Variants in STK32B observed in about 807,000 individuals in gnomAD.
STK32B encodes serine/threonine kinase 32B.
Under a neutral mutation model 52.6 loss-of-function variants are expected in STK32B, and 43 were observed. The ratio of observed to expected loss-of-function variants is 0.82; its 90% confidence interval spans 0.64 to 1.05. The LOEUF is 1.05. Among genes scored for constraint, STK32B ranks in the 50% least tolerant of loss-of-function variants. The pLI is 0.00. For missense variants in STK32B, 621 were observed against 534.6 expected, an observed-to-expected ratio of 1.16 and a Z score of -1.59; for synonymous variants, 238 against 204.3, an observed-to-expected ratio of 1.17 and a Z score of -1.41.
intron 4 of STK32B, among the ~76,000 whole-genome samples, chr4:5,345,682 C>T (rs1733404242): frequency 6.6e-6 from 1 of 152,160 alleles, no homozygotes; most frequent in African/African-American, 2.4e-5. Context: ...CAGGAAGTGG[C>T]CACCCCAAGT....
At chr4:5,433,293 G>A (rs1197560285) in intron 6 of STK32B, among the ~76,000 whole-genome samples, 2 of 152,172 alleles carry the variant, frequency 1.3e-5, no homozygotes, top group Non-Finnish European at 2.9e-5. Flanking sequence ...GTTTCTGACT[G>A]TGCTGCTGAA....
the STK32B span, among the ~76,000 whole-genome samples, chr4:5,044,572 A>C: frequency 6.6e-6 from 1 of 152,132 alleles, no homozygotes; most frequent in South Asian, 2.1e-4. Flanking sequence ...CCTTCAACCA[A>C]CCACCAGGAA....
intron 3 of STK32B, among the ~76,000 whole-genome samples, chr4:5,177,838 G>C (rs1720042277): frequency 6.6e-6 from 1 of 152,238 alleles, no homozygotes; most frequent in Non-Finnish European, 1.5e-5. Flanking sequence ...TCCAGGTCAT[G>C]ATGATGCAAG....
chr4:5,406,015 AC>A (rs1377668665), intron 5 of STK32B, among the ~76,000 whole-genome samples: 1 of 152,150 alleles, frequency 6.6e-6, no homozygotes, highest in African/African-American at 2.4e-5. Flanking sequence ...AGTAACTTCC[AC>A]CTATGAGTCT....
intron 1 of STK32B, among the ~76,000 whole-genome samples, chr4:5,054,047 C>T (rs9799796): frequency 0.29 from 43,736 of 151,686 alleles, 6,767 homozygotes; most frequent in East Asian, 0.48. Context: ...TTTGCCATTG[C>T]CCAGCCCAGT....
intron 9 of STK32B, among the ~76,000 whole-genome samples, chr4:5,462,285 T>A (rs561908691): frequency 6.6e-6 from 1 of 151,974 alleles, no homozygotes; most frequent in Admixed American, 6.6e-5. Flanking sequence ...TGTGTGTATG[T>A]GTCTGTGTGT....
At chr4:5,265,945 A>G (rs1270283571) in intron 3 of STK32B, among the ~76,000 whole-genome samples, 2 of 152,198 alleles carry the variant, frequency 1.3e-5, no homozygotes, top group African/African-American at 4.8e-5. Context: ...GGTAAGTTTA[A>G]TATTTGGTGA....
At chr4:5,155,288 A>G (rs909640213) in intron 2 of STK32B, among the ~76,000 whole-genome samples, 5 of 152,118 alleles carry the variant, frequency 3.3e-5, no homozygotes, top group African/African-American at 9.7e-5. Flanking sequence ...TATAGCACCT[A>G]TAAACTACCT....
intron 3 of STK32B, among the ~76,000 whole-genome samples, chr4:5,209,418 G>T (rs1374620): frequency 1.3e-5 from 2 of 151,820 alleles, no homozygotes; most frequent in Admixed American, 1.3e-4. Context: ...GAGATGGGGT[G>T]TTGCTATGTT....
chr4:5,371,939 C>T lies in STK32B; in HGVS notation c.435-26268C>T, dbSNP rs962408794. ...ATACCCCATGGGGCTGAAAGCACCT[C>T]CATGCAGAACACACACAGGTGACTG... On this transcript the variant is annotated intron_variant, in intron 4 of 11. Coordinates refer to ENST00000282908, the MANE Select transcript of STK32B (RefSeq NM_018401.3). Among the ~76,000 whole-genome samples, 6 of 152,332 alleles carry T rather than the reference C, an allele frequency of 3.9e-5. No individual in the cohort carries two copies. In the East Asian group the frequency reaches 1.2e-3, roughly 29 times the overall value.
At chr4:5,388,641 T>G (rs576056373) in intron 4 of STK32B, among the ~76,000 whole-genome samples, 1 of 152,326 alleles carries the variant, frequency 6.6e-6, no homozygotes, top group South Asian at 2.1e-4. Flanking sequence ...GGATCTATCA[T>G]TTCAATTTAG....
At chr4:5,079,194 A>T (rs1712260991) in intron 1 of STK32B, among the ~76,000 whole-genome samples, 1 of 152,180 alleles carries the variant, frequency 6.6e-6, no homozygotes, top group Non-Finnish European at 1.5e-5. Flanking sequence ...TGGGCCATAC[A>T]GTAATTTATT....
intron 1 of STK32B, among the ~76,000 whole-genome samples, chr4:5,130,546 A>G (rs894937279): frequency 3.3e-5 from 5 of 152,162 alleles, no homozygotes; most frequent in African/African-American, 1.2e-4. Flanking sequence ...TGGAACCAAT[A>G]GGTTCACACC....
intron 1 of STK32B, among the ~76,000 whole-genome samples, chr4:5,073,974 C>T (rs779318866): frequency 2.6e-5 from 4 of 151,736 alleles, no homozygotes; most frequent in Non-Finnish European, 5.9e-5. Flanking sequence ...GTTTGCAGAG[C>T]CTTTTGGATT....
At chr4:5,067,615 A>G (rs1397500387) in intron 1 of STK32B, among the ~76,000 whole-genome samples, 1 of 152,194 alleles carries the variant, frequency 6.6e-6, no homozygotes, top group African/African-American at 2.4e-5. Context: ...AAACATTTTT[A>G]TACATAATAT....
intron 11 of STK32B, among the ~76,000 whole-genome samples, chr4:5,497,515 T>C (rs965488289): frequency 5.3e-5 from 8 of 152,216 alleles, no homozygotes; most frequent in African/African-American, 1.9e-4. Flanking sequence ...CCAGTTGCCC[T>C]ACCTGGAGAG....
At chr4:5,342,766 G>A (rs1200252290) in intron 4 of STK32B, among the ~76,000 whole-genome samples, 14 of 152,078 alleles carry the variant, frequency 9.2e-5, no homozygotes, top group African/African-American at 1.9e-4. Flanking sequence ...GTTCATCTTC[G>A]TATCTTCAAC....
chr4:5,147,343 TC>T (rs58675058), intron 2 of STK32B, among the ~76,000 whole-genome samples: 6,428 of 152,212 alleles, frequency 0.042, 405 homozygotes, highest in African/African-American at 0.14. Context: ...TTTGTAGTAT[TC>T]TGGAGATTTT....
chr4:5,367,152 C>G (rs1734930811), intron 4 of STK32B, among the ~76,000 whole-genome samples: 1 of 152,084 alleles, frequency 6.6e-6, no homozygotes, highest in Non-Finnish European at 1.5e-5. Context: ...TAGAACTAAG[C>G]TAAAATAGAA....
Sources: allele counts gnomAD v4.1 joint callset (sites outside exome capture counted in the v4.1 genomes callset), GRCh38; gene constraint gnomAD v4.1.1; transcripts MANE v1.5; gene names NCBI Gene and HGNC (gene_info 2026-07-23, HGNC 2026-07-21).